INPP4B: variants seen among roughly 807,000 people sequenced by gnomAD.
The protein encoded by INPP4B is inositol polyphosphate-4-phosphatase type II B.
Under a neutral mutation model 122.5 loss-of-function variants are expected in INPP4B, and 55 were observed. That is an observed-to-expected ratio of 0.45 (90% CI 0.36 to 0.56). INPP4B has a LOEUF of 0.56. INPP4B is among the 20% of genes least tolerant of loss of function. The pLI, the probability that INPP4B is intolerant of heterozygous loss-of-function variation, is 0.00. For missense variants in INPP4B, 1,000 were observed against 1,097.7 expected (o/e 0.91, Z 1.26); for synonymous variants, 403 against 388.7 (o/e 1.04, Z -0.43).
At chr4:142,645,790 T>C (rs1329704267) in intron 2 of INPP4B, among the ~76,000 whole-genome samples, 1 of 152,216 alleles carries the variant, frequency 6.6e-6, no homozygotes, top group South Asian at 2.1e-4. Flanking sequence ...GGTTTCTTTT[T>C]TCCCCCCAAA....
chr4:142,545,158 A>T (rs952695631), intron 2 of INPP4B, among the ~76,000 whole-genome samples: 27 of 152,304 alleles, frequency 1.8e-4, no homozygotes, highest in African/African-American at 6.5e-4. Context: ...ATTATAATAA[A>T]ATATATCAAG....
intron 1 of INPP4B, among the ~76,000 whole-genome samples, chr4:142,823,952 C>A (rs1781108497): frequency 6.6e-6 from 1 of 152,102 alleles, no homozygotes; most frequent in Non-Finnish European, 1.5e-5. Context: ...AAAGATCGAC[C>A]CTCACCAATG....
At chr4:142,427,671 CT>C (rs1400928576) in intron 5 of INPP4B, among the ~76,000 whole-genome samples, 1 of 152,050 alleles carries the variant, frequency 6.6e-6, no homozygotes, top group Non-Finnish European at 1.5e-5. Flanking sequence ...GCTTCTGCTG[CT>C]TCAGATTCCC....
chr4:142,081,491 T>A (rs555108293), intron 25 of INPP4B, among the ~76,000 whole-genome samples: 1 of 152,264 alleles, frequency 6.6e-6, no homozygotes. Context: ...AAAGTATCAG[T>A]GTCATCCCAT....
At chr4:142,520,679 GGTTAA>G (rs1171980528) in intron 2 of INPP4B, among the ~76,000 whole-genome samples, 13 of 151,674 alleles carry the variant, frequency 8.6e-5, no homozygotes, top group East Asian at 5.8e-4. Context: ...GTTTTAAAAG[GGTTAA>G]GTTATTTTAC....
At chr4:142,805,026 A>G (rs1420395366) in intron 1 of INPP4B, among the ~76,000 whole-genome samples, 3 of 152,288 alleles carry the variant, frequency 2.0e-5, no homozygotes, top group East Asian at 3.9e-4. Context: ...TTTCACCTAC[A>G]ATAGTACCTG....
chr4:142,243,561 A>C (rs1307074505), intron 11 of INPP4B, among the ~76,000 whole-genome samples: 1 of 152,240 alleles, frequency 6.6e-6, no homozygotes, highest in Admixed American at 6.5e-5. Context: ...CCAGAGACTT[A>C]CAAACACTGA....
chr4:142,087,536 T>C (rs568201055), intron 23 of INPP4B, among the ~76,000 whole-genome samples: 2 of 152,300 alleles, frequency 1.3e-5, no homozygotes, highest in African/African-American at 2.4e-5. Context: ...TACACTCTAC[T>C]GTTGAATCCA....
At chr4:142,280,333 A>G (rs1164398107) in intron 9 of INPP4B, among the ~76,000 whole-genome samples, 1 of 152,024 alleles carries the variant, frequency 6.6e-6, no homozygotes, top group Non-Finnish European at 1.5e-5. Context: ...ACTTTGTTGT[A>G]TCCACAACAT....
chr4:142,168,889 A>G (rs1224895850), intron 16 of INPP4B, among the ~76,000 whole-genome samples: 1 of 151,566 alleles, frequency 6.6e-6, no homozygotes, highest in Non-Finnish European at 1.5e-5. Flanking sequence ...CCTTGAGAAG[A>G]TAATGTTTAG....
chr4:142,818,441 C>CGT (rs10656794), intron 1 of INPP4B, among the ~76,000 whole-genome samples: 53,759 of 149,242 alleles, frequency 0.36, 9,905 homozygotes, highest in African/African-American at 0.47. Context: ...GCAATTTAAA[C>CGT]GTGTGTGTGT....
chr4:142,762,311 C>T (rs1383730618), intron 1 of INPP4B, among the ~76,000 whole-genome samples: 1 of 152,020 alleles, frequency 6.6e-6, no homozygotes, highest in Non-Finnish European at 1.5e-5. Flanking sequence ...CTAACTGCAC[C>T]CCCAACCCAA....
At chr4:142,396,417 C>G (rs1799388483) in intron 7 of INPP4B, among the ~76,000 whole-genome samples, 1 of 151,986 alleles carries the variant, frequency 6.6e-6, no homozygotes, top group Non-Finnish European at 1.5e-5. Context: ...CAATGAGATA[C>G]CACTTCATAC....
chr4:142,183,462 A>T (rs2152985485), intron 15 of INPP4B, among the ~76,000 whole-genome samples: 1 of 152,354 alleles, frequency 6.6e-6, no homozygotes. Context: ...CATAAATTCC[A>T]TATGTACATT....
At chr4:142,392,320 AT>A (rs749208926) in intron 7 of INPP4B, among the ~76,000 whole-genome samples, 2 of 152,082 alleles carry the variant, frequency 1.3e-5, no homozygotes, top group Admixed American at 6.5e-5. Flanking sequence ...ATCTTTGAAT[AT>A]TTTTTCCTTG....
At position 142,547,478 on chromosome 4, in the gene INPP4B, T is replaced by A. The variant is rs1829771791; in HGVS notation, c.-190-84752A>T. Reference sequence around the variant, plus strand: ...AGTGGCTCCAAAACCCTGCACTAATTTTCTGCAACCCAATTAGCAAAATTT... The same window carrying A: ...AGTGGCTCCAAAACCCTGCACTAATATTCTGCAACCCAATTAGCAAAATTT... On this transcript the variant is annotated intron_variant, in intron 2 of 25. Transcript: ENST00000262992. Among the ~76,000 whole-genome samples the A allele has an allele frequency of 5.9e-5, 9 of 152,190 alleles. No individual in the cohort carries two copies. The South Asian group carries it at 1.9e-3, about 32-fold the overall frequency.
chr4:142,650,735 T>A (rs1752768981), intron 2 of INPP4B, among the ~76,000 whole-genome samples: 1 of 151,942 alleles, frequency 6.6e-6, no homozygotes, highest in Non-Finnish European at 1.5e-5. Context: ...TCCTTAGAGA[T>A]CTACAAAGAG....
chr4:142,755,630 C>T (rs1239078261), intron 1 of INPP4B, among the ~76,000 whole-genome samples: 1 of 152,028 alleles, frequency 6.6e-6, no homozygotes, highest in African/African-American at 2.4e-5. Flanking sequence ...TAAAATTAAT[C>T]TGGAGCCATG....
chr4:142,173,620 T>C lies in INPP4B; in HGVS notation c.1359+12A>G, dbSNP rs1579166783. On this transcript the variant is annotated intron_variant, in intron 16 of 25. Coordinates refer to ENST00000262992, the MANE Select transcript of INPP4B (RefSeq NM_001101669.3). The stretch of plus-strand genomic sequence containing the variant: ...TTCATTTTCCCAACTATAGTGATGA[T>C]TTGGATCTTACTTTTTCTGAAAGCA... The C allele has an allele frequency of 1.2e-6, 2 of 1,607,804 alleles. No homozygotes were observed. The highest frequency in any genetic ancestry group is 4.5e-5 in the East Asian group (2 of 44,756).
Sources: gnomAD v4.1 joint callset for allele counts (sites outside exome capture counted in the v4.1 genomes callset) on GRCh38, gnomAD v4.1.1 for gene constraint, MANE v1.5 for transcripts, NCBI Gene and HGNC (gene_info 2026-07-23, HGNC 2026-07-21) for gene names.